Variants in CYS1 observed in about 807,000 individuals in gnomAD.
CYS1 encodes the protein cystin-1.
Under a neutral mutation model 9.6 loss-of-function variants are expected in CYS1, and 5 were observed. The ratio of observed to expected loss-of-function variants is 0.52; its 90% confidence interval spans 0.27 to 1.10. The LOEUF (loss-of-function observed/expected upper bound fraction) is 1.10, where lower values mean the gene tolerates loss of function less well. Among genes scored for constraint, CYS1 ranks in the 50% least tolerant of loss-of-function variants. The pLI is 0.11. For synonymous variants in CYS1, 88 were observed against 95.7 expected (o/e 0.92, Z 0.47); for missense variants, 221 against 207.9 (o/e 1.06, Z -0.39).
chr2:10,077,580 T>C (rs1175512458), intron 1 of CYS1, among the ~76,000 whole-genome samples: 1 of 152,206 alleles, frequency 6.6e-6, no homozygotes, highest in Non-Finnish European at 1.5e-5. Flanking sequence ...ATCCCAGCAC[T>C]TTGGGAAGTC....
At chr2:10,062,961 C>T (rs1039791008) in intron 2 of CYS1, among the ~76,000 whole-genome samples, 1 of 152,226 alleles carries the variant, frequency 6.6e-6, no homozygotes, top group Non-Finnish European at 1.5e-5. Context: ...CTTCCACTAG[C>T]CCTTCCTTAC....
chr2:10,077,408 A>G (rs1388296531), intron 1 of CYS1, among the ~76,000 whole-genome samples: 1 of 152,260 alleles, frequency 6.6e-6, no homozygotes, highest in Non-Finnish European at 1.5e-5. Flanking sequence ...TGAGTGCTTA[A>G]AAGAATAACT....
chr2:10,066,477 G>A (rs1661696933), intron 1 of CYS1, among the ~76,000 whole-genome samples: 1 of 152,182 alleles, frequency 6.6e-6, no homozygotes, highest in Non-Finnish European at 1.5e-5. Flanking sequence ...CTCCCCCACT[G>A]AAGTGCTTTC....
intron 1 of CYS1, among the ~76,000 whole-genome samples, chr2:10,069,060 T>G (rs1303785350): frequency 6.6e-6 from 1 of 150,644 alleles, no homozygotes; most frequent in African/African-American, 2.4e-5. Flanking sequence ...AGGCTCTGTC[T>G]CAGAAAAAAA....
intron 1 of CYS1, among the ~76,000 whole-genome samples, chr2:10,070,630 G>A (rs1234696732): frequency 6.6e-6 from 1 of 151,956 alleles, no homozygotes; most frequent in Non-Finnish European, 1.5e-5. Context: ...ACAGGTGTGA[G>A]CCACTGCGCC....
In CYS1 at chr2:10,078,748, C is replaced by G. The variant is rs537454077; in HGVS notation, c.318+1158G>C. On this transcript the variant is annotated intron_variant, in intron 1 of 2. Transcript: ENST00000381813. Reference sequence around the variant, plus strand: ...AGACTTCTTTAAGGCAAGGGCTATGCTGTGTGGCCTCATCCCTAGCACCCA... The same window carrying G: ...AGACTTCTTTAAGGCAAGGGCTATGGTGTGTGGCCTCATCCCTAGCACCCA... Among the ~76,000 whole-genome samples, 2 of 152,226 alleles carry G rather than the reference C, an allele frequency of 1.3e-5. 1 individual carries two copies. Among genetic ancestry groups the G allele is most frequent in the East Asian group, 3.8e-4 (2 of 5,200 alleles).
intron 2 of CYS1, among the ~76,000 whole-genome samples, chr2:10,060,892 G>A: frequency 6.6e-6 from 1 of 152,250 alleles, no homozygotes; most frequent in Admixed American, 6.5e-5. Flanking sequence ...TGGGCACTAA[G>A]GAAGCACTCA....
In CYS1 at chr2:10,058,945, C is replaced by A; in HGVS notation, c.385G>T (p.Gly129Cys). The change falls in exon 3 of 3, where the codon GGT becomes TGT. Residue 129 changes from glycine (G) to cysteine (C), a missense_variant. Transcript: ENST00000381813. Reference protein sequence around the residue: ...SGNVSEAPGSGRKKPERPAAI... With the variant: ...SGNVSEAPGSCRKKPERPAAI... The stretch of plus-strand genomic sequence containing the variant: ...GCCGGCCTCTCGGGCTTCTTGCGAC[C>A]GCTGCCTGGGGCTCTGTGGGTCAGA... 3 of 1,587,364 alleles carry A rather than the reference C, an allele frequency of 1.9e-6. No individual in the cohort carries two copies. The highest frequency in any genetic ancestry group is 2.6e-6 in the Non-Finnish European group (3 of 1,167,370).
intron 1 of CYS1, among the ~76,000 whole-genome samples, chr2:10,074,558 G>T (rs72786641): frequency 0.037 from 5,694 of 152,314 alleles, 161 homozygotes; most frequent in Non-Finnish European, 0.058. Flanking sequence ...GCTGGGGAAA[G>T]AGTTGGGAGG....
At chr2:10,061,836 G>A (rs1572454330) in intron 2 of CYS1, among the ~76,000 whole-genome samples, 1 of 152,242 alleles carries the variant, frequency 6.6e-6, no homozygotes, top group African/African-American at 2.4e-5. Flanking sequence ...AGCCAGGTGG[G>A]GCCATAAGCT....
In CYS1 at chr2:10,063,236, G is replaced by A. The variant is rs1434918391; in HGVS notation, c.371+2668C>T. On this transcript the variant is annotated intron_variant, in intron 2 of 2. Coordinates refer to ENST00000381813, the MANE Select transcript of CYS1 (RefSeq NM_001037160.3). This position sits in a 1 kb window ranked among gnomAD's most constrained non-coding sequence, Gnocchi z 4.2. ...GATTCCTTCTGTGATGAGGCCTGGA[G>A]AGAAGAGAGGGGACAGGGCAGGACC... 6.6e-6 allele frequency among the ~76,000 whole-genome samples: 1 copy of A among 152,206 alleles called. No individual in the cohort carries two copies. The highest frequency in any genetic ancestry group is 1.5e-5 in the Non-Finnish European group (1 of 68,042).
intron 2 of CYS1, among the ~76,000 whole-genome samples, chr2:10,064,164 G>C (rs188365139): frequency 6.6e-6 from 1 of 151,928 alleles, no homozygotes; most frequent in African/African-American, 2.4e-5. Flanking sequence ...TGGAGACTGC[G>C]GTGAGCCGAG....
Position 10,080,130 on chromosome 2 carries a change from C to A in CYS1, c.94G>T (p.Gly32Cys). 1 of 1,031,594 alleles carries A rather than the reference C, an allele frequency of 9.7e-7. No individual in the cohort carries two copies. Among genetic ancestry groups the A allele is most frequent in the Non-Finnish European group, 1.2e-6 (1 of 862,148 alleles). 63.9% of individuals were successfully genotyped at this position (1,031,594 alleles called of 1,614,324 possible). A position where few individuals can be genotyped will look rare whatever the true frequency, so the allele number is the denominator to read the frequency against. The change falls in exon 1 of 3, where the codon GGC (glycine) becomes TGC (cysteine). Residue 32 changes from glycine (G) to cysteine (C), a missense_variant. By Grantham distance (159) the Gly-to-Cys change is radical. Coordinates refer to ENST00000381813, the MANE Select transcript of CYS1 (RefSeq NM_001037160.3). This position sits in a 1 kb window ranked among gnomAD's most constrained non-coding sequence, Gnocchi z 6.4. ...ACCGGCACCCGCCGGCGGGTCCCGC[C>A]CTCCAGGGCTGCCGCTCCGGGCCCC... ...PAGPGAAALE[G>C]GTRRRVPVAA...
intron 1 of CYS1, among the ~76,000 whole-genome samples, chr2:10,070,955 C>T (rs759119519): frequency 2.7e-5 from 4 of 150,826 alleles, no homozygotes; most frequent in Non-Finnish European, 5.9e-5. Context: ...AGCCTGAGAA[C>T]CCTTTTTGTT....
rs74783670 is a variant in CYS1 at position 10,073,252 on chromosome 2, G to A, written c.318+6654C>T. ...GCTGTGGGCTGCCAGTCCAGGGCCC[G>A]TCTCCACTGGGAAGGCCTTGCCTTG... On this transcript the variant is annotated intron_variant, in intron 1 of 2. Transcript: ENST00000381813. 5.6e-3 allele frequency among the ~76,000 whole-genome samples: 795 copies of A among 142,444 alleles called. 9 individuals are homozygous for A. The highest frequency in any genetic ancestry group is 8.2e-3 in the Non-Finnish European group (540 of 66,236). The allele number at this position is 142,444 out of a possible 152,430, so 93.4% of individuals were successfully genotyped here.
chr2:10,064,843 G>C (rs911942756), intron 2 of CYS1, among the ~76,000 whole-genome samples: 2 of 151,576 alleles, frequency 1.3e-5, no homozygotes, highest in Admixed American at 1.3e-4. Context: ...TTAGCCCCCG[G>C]AGTAGCTGGG....
chr2:10,064,717 TA>T (rs1229851195), intron 2 of CYS1, among the ~76,000 whole-genome samples: 38 of 151,488 alleles, frequency 2.5e-4, no homozygotes, highest in African/African-American at 8.5e-4. Flanking sequence ...TATTTTTATT[TA>T]TTTATTTATT....
chr2:10,064,770 T>A (rs1292946434), intron 2 of CYS1, among the ~76,000 whole-genome samples: 1 of 151,940 alleles, frequency 6.6e-6, no homozygotes, highest in East Asian at 1.9e-4. Context: ...CAGGCTGGAG[T>A]GAAGTGGCGC....
Position 10,080,162 on chromosome 2 carries a change from A to G in CYS1, c.62T>C (p.Leu21Pro), listed in dbSNP as rs922468270. ...GGCTGCCGCTCCGGGCCCCGCGGGG[A>G]GGCTCTCGGGGCTGCGCCGCCGCCT... is the stretch of plus-strand genomic sequence containing the variant. ...TLRRRRSPES[L>P]PAGPGAAALE... The change falls in exon 1 of 3, where the codon CTC becomes CCC. Residue 21 changes from leucine to proline, a missense_variant. Leu to Pro is a moderately conservative substitution (Grantham distance 98). Transcript: ENST00000381813. The surrounding 1 kb of genome is among the most constrained non-coding windows in gnomAD (Gnocchi z 6.4). The G allele has an allele frequency of 9.5e-7, 1 of 1,055,796 alleles. No individual in the cohort carries two copies. Among genetic ancestry groups the G allele is most frequent in the Non-Finnish European group, 1.1e-6 (1 of 878,218 alleles). 65.4% of individuals were successfully genotyped at this position (1,055,796 alleles called of 1,614,324 possible). A position where few individuals can be genotyped will look rare whatever the true frequency, so the allele number is the denominator to read the frequency against.
Sources: allele counts gnomAD v4.1 joint callset (sites outside exome capture counted in the v4.1 genomes callset), GRCh38; gene constraint gnomAD v4.1.1; non-coding constraint Gnocchi (gnomAD v3.1); transcripts MANE v1.5; gene names NCBI Gene and HGNC (gene_info 2026-07-23, HGNC 2026-07-21).